The following HNRNPC variants were observed in gnomAD, a reference collection of about 807,000 sequenced individuals.
HNRNPC encodes the protein heterogeneous nuclear ribonucleoproteins C1/C2.
A neutral mutation model predicts 33.2 loss-of-function variants in HNRNPC; 3 were observed. That is an observed-to-expected ratio of 0.09 (90% confidence interval 0.04 to 0.23). The LOEUF (loss-of-function observed/expected upper bound fraction) is 0.23. HNRNPC is among the 10% of genes least tolerant of loss of function. The pLI, the probability that HNRNPC is intolerant of heterozygous loss-of-function variation, is 1.00. For synonymous variants in HNRNPC, 121 were observed against 126.7 expected (o/e 0.96, Z 0.30); for missense variants, 143 against 366.7 (o/e 0.39, Z 4.98).
intron 3 of HNRNPC, 59 bp downstream of exon 3, chr14:21,233,894 A>C: frequency 1.9e-6 from 3 of 1,577,428 alleles, no homozygotes; most frequent in Non-Finnish European, 2.6e-6. Context: ...AGACAAAAAA[A>C]AAACGTGAAT....
chr14:21,235,777 G>C (rs945936831), intron 2 of HNRNPC, among the ~76,000 whole-genome samples: 1 of 152,054 alleles, frequency 6.6e-6, no homozygotes, highest in Non-Finnish European at 1.5e-5. Context: ...TACAAGTGGA[G>C]GTATAATCTG....
At chr14:21,255,686 C>G (rs987181358) in intron 2 of HNRNPC, among the ~76,000 whole-genome samples, 3 of 152,210 alleles carry the variant, frequency 2.0e-5, no homozygotes, top group African/African-American at 7.2e-5. Flanking sequence ...GTCTTAAGCA[C>G]ATAGTACACA....
At chr14:21,235,020 T>C (rs965322243) in intron 2 of HNRNPC, among the ~76,000 whole-genome samples, 1 of 152,096 alleles carries the variant, frequency 6.6e-6, no homozygotes, top group African/African-American at 2.4e-5. Flanking sequence ...AAATTAAAGA[T>C]TGGGGAATTA....
intron 2 of HNRNPC, among the ~76,000 whole-genome samples, chr14:21,252,230 C>CAG (rs1896749115): frequency 6.6e-6 from 1 of 152,152 alleles, no homozygotes; most frequent in Admixed American, 6.5e-5. Context: ...CATGTTATCC[C>CAG]CGTAGAAATA....
chr14:21,245,084 C>CAAAAAA (rs71112560), intron 2 of HNRNPC, among the ~76,000 whole-genome samples: 28 of 54,236 alleles, frequency 5.2e-4, no homozygotes, highest in Non-Finnish European at 6.2e-4. Context: ...GACTCCATCT[C>CAAAAAA]AAAAAAAAAA....
chr14:21,238,587 A>T (rs1894995073), intron 2 of HNRNPC, among the ~76,000 whole-genome samples: 1 of 152,216 alleles, frequency 6.6e-6, no homozygotes, highest in African/African-American at 2.4e-5. Context: ...AGAAATTTTA[A>T]AAGGTTAATC....
chr14:21,252,849 C>G (rs1423501643), intron 2 of HNRNPC, among the ~76,000 whole-genome samples: 1 of 152,126 alleles, frequency 6.6e-6, no homozygotes, highest in African/African-American at 2.4e-5. Flanking sequence ...TTATACTATT[C>G]TCTTTTGTGT....
chr14:21,247,359 A>G (rs1263083652), intron 2 of HNRNPC, among the ~76,000 whole-genome samples: 4 of 152,194 alleles, frequency 2.6e-5, no homozygotes, highest in African/African-American at 4.8e-5. Flanking sequence ...CACTGATAGG[A>G]CATAACCTCA....
intron 4 of HNRNPC, 125 bp from the exon 5 acceptor site, chr14:21,230,491 T>C (rs1893987572): frequency 1.5e-6 from 1 of 670,480 alleles, no homozygotes; most frequent in South Asian, 1.8e-5. Flanking sequence ...CACTGAATGA[T>C]CCCCAATCAT....
intron 5 of HNRNPC, among the ~76,000 whole-genome samples, chr14:21,226,019 A>C (rs967667338): frequency 6.6e-6 from 1 of 152,112 alleles, no homozygotes; most frequent in Non-Finnish European, 1.5e-5. Flanking sequence ...AAGAATTATA[A>C]GAATAGTGCC....
intron 2 of HNRNPC, among the ~76,000 whole-genome samples, chr14:21,257,670 C>CA (rs1212391544): frequency 6.6e-6 from 1 of 152,138 alleles, no homozygotes; most frequent in Non-Finnish European, 1.5e-5. Context: ...ACACTGACCT[C>CA]AAACTCCTGA....
intron 2 of HNRNPC, chr14:21,254,653 C>T (rs1876810601): frequency 6.6e-6 from 1 of 152,210 alleles, no homozygotes; most frequent in Admixed American, 6.5e-5. Context: ...CGCCTGTAAT[C>T]CCAGCACTTT....
intron 3 of HNRNPC, among the ~76,000 whole-genome samples, chr14:21,232,063 A>G (rs540871599): frequency 2.0e-5 from 3 of 152,230 alleles, no homozygotes; most frequent in African/African-American, 7.2e-5. Flanking sequence ...ACCTTTACAC[A>G]CACCAAAAAA....
intron 2 of HNRNPC, among the ~76,000 whole-genome samples, chr14:21,258,376 C>CCTT (rs1877587962): frequency 6.7e-6 from 1 of 148,614 alleles, no homozygotes; most frequent in Non-Finnish European, 1.5e-5. Context: ...GGTGACAGAG[C>CCTT]GAGACTATGT....
At chr14:21,211,749 T>C (rs1006814239) in intron 7 of HNRNPC, 61 bp downstream of exon 7, 1 of 1,493,538 alleles carries the variant, frequency 6.7e-7, no homozygotes, top group Non-Finnish European at 9.3e-7. Flanking sequence ...AACATGTACT[T>C]TCAAGTGCCT....
At chr14:21,217,836 A>G (rs1892357689) in intron 5 of HNRNPC, among the ~76,000 whole-genome samples, 1 of 152,228 alleles carries the variant, frequency 6.6e-6, no homozygotes, top group African/African-American at 2.4e-5. Flanking sequence ...GTTGCATATT[A>G]AGGGAAAAAG....
chr14:21,211,234 C>T lies in HNRNPC; in HGVS notation c.871G>A (p.Asp291Asn). Residue 291 changes from aspartate (D) to asparagine (N), a missense_variant, in exon 9 of 9, where the codon GAT becomes AAT. By Grantham distance (23) the Asp-to-Asn change is conservative. Around this residue, in one of 2 missense-constraint regions of HNRNPC, gnomAD observed 131 missense variants for 253.0 expected, o/e 0.52. Coordinates refer to ENST00000553300, the MANE Select transcript of HNRNPC (RefSeq NM_004500.4). ...ACCCCACTATGTGCTTAAGAGTCAT[C>T]CTCGCCATTGGCGCTGTCTCTGTCA... ...EDDRDSANGE[D>N]DS 6.2e-7 allele frequency: 1 copy of T among 1,614,038 alleles called. No individual in the cohort carries two copies. Among genetic ancestry groups the T allele is most frequent in the East Asian group, 2.2e-5 (1 of 44,866 alleles).
intron 2 of HNRNPC, among the ~76,000 whole-genome samples, chr14:21,259,220 A>G (rs1344935014): frequency 6.6e-6 from 1 of 152,232 alleles, no homozygotes; most frequent in Non-Finnish European, 1.5e-5. Context: ...AATGAGCTTC[A>G]CCATTAGCTA....
At chr14:21,226,239 G>C (rs747542241) in intron 5 of HNRNPC, among the ~76,000 whole-genome samples, 2 of 149,628 alleles carry the variant, frequency 1.3e-5, no homozygotes, top group South Asian at 2.1e-4. Context: ...GGAGAATCTC[G>C]AGAACCTGGG....
Sources: gnomAD v4.1 joint callset for allele counts (sites outside exome capture counted in the v4.1 genomes callset) on GRCh38, gnomAD v4.1.1 for gene constraint, gnomAD v4.1.1 regional missense constraint, MANE v1.5 for transcripts, NCBI Gene and HGNC (gene_info 2026-07-23, HGNC 2026-07-21) for gene names.